Variants in PARD3 observed in about 807,000 individuals in gnomAD.
The protein encoded by PARD3 is partitioning defective 3 homolog.
PARD3 carries 75 observed loss-of-function variants against 155.4 expected under a neutral mutation model. The ratio of observed to expected loss-of-function variants is 0.48; its 90% CI spans 0.40 to 0.58. The LOEUF (loss-of-function observed/expected upper bound fraction) is 0.58. Ranked by LOEUF, PARD3 falls within the 20% of genes least tolerant of loss-of-function variation. The pLI is 0.00. For missense variants in PARD3, 1,642 were observed against 1,721.7 expected, an observed-to-expected ratio of 0.95 and a Z score of 0.82; for synonymous variants, 576 against 610.5, an observed-to-expected ratio of 0.94 and a Z score of 0.83.
intron 22 of PARD3, among the ~76,000 whole-genome samples, chr10:34,150,277 A>T (rs1402173164): frequency 6.6e-6 from 1 of 152,232 alleles, no homozygotes; most frequent in Non-Finnish European, 1.5e-5. Context: ...AGAGTGGGTC[A>T]TTAGAAACCC....
chr10:34,563,867 T>G (rs1322089499), intron 2 of PARD3, among the ~76,000 whole-genome samples: 1 of 152,124 alleles, frequency 6.6e-6, no homozygotes, highest in African/African-American at 2.4e-5. Context: ...TAGAAAAAAT[T>G]TTGCTAGTAT....
At chr10:34,417,353 A>G (rs913268970) in intron 5 of PARD3, among the ~76,000 whole-genome samples, 30 of 152,188 alleles carry the variant, frequency 2.0e-4, no homozygotes, top group African/African-American at 7.0e-4. Flanking sequence ...CACAGAAAAG[A>G]ACATGGATTA....
At chr10:34,643,279 G>A (rs1327016924) in intron 2 of PARD3, among the ~76,000 whole-genome samples, 1 of 152,220 alleles carries the variant, frequency 6.6e-6, no homozygotes, top group Admixed American at 6.5e-5. Flanking sequence ...TACAACTTCA[G>A]CTCCTAACTG....
intron 15 of PARD3, chr10:34,343,822 T>G (rs1837095308): frequency 1.0e-6 from 1 of 978,028 alleles, no homozygotes; most frequent in South Asian, 4.7e-5. Context: ...ACCTACAAAC[T>G]AAGTAAACTA....
chr10:34,370,497 C>T (rs909801211), intron 12 of PARD3, among the ~76,000 whole-genome samples: 2 of 152,118 alleles, frequency 1.3e-5, no homozygotes, highest in African/African-American at 4.8e-5. Flanking sequence ...CCAGACTGGT[C>T]TTAATCTCCT....
intron 22 of PARD3, among the ~76,000 whole-genome samples, chr10:34,215,165 T>C (rs538191832): frequency 6.6e-6 from 1 of 152,290 alleles, no homozygotes; most frequent in East Asian, 1.9e-4. Flanking sequence ...AGGTATAAAA[T>C]GGAAAAGAAT....
At chr10:34,158,385 G>A (rs993053410) in intron 22 of PARD3, among the ~76,000 whole-genome samples, 1 of 152,174 alleles carries the variant, frequency 6.6e-6, no homozygotes, top group Non-Finnish European at 1.5e-5. Context: ...CTCCACTCCT[G>A]TGGTTTTCTT....
chr10:34,462,983 G>A, intron 4 of PARD3, among the ~76,000 whole-genome samples: 1 of 92,752 alleles, frequency 1.1e-5, no homozygotes, highest in African/African-American at 4.3e-5. Context: ...CAGGGAAGGG[G>A]AAGGGGAGGA....
intron 24 of PARD3, among the ~76,000 whole-genome samples, chr10:34,117,447 G>C (rs1396343720): frequency 3.3e-5 from 5 of 152,144 alleles, no homozygotes; most frequent in Non-Finnish European, 7.3e-5. Context: ...CAGTGGGGAG[G>C]GGGCAGGGGG....
intron 4 of PARD3, among the ~76,000 whole-genome samples, chr10:34,465,915 T>C (rs1423952185): frequency 6.6e-6 from 1 of 152,152 alleles, no homozygotes; most frequent in African/African-American, 2.4e-5. Context: ...AGCTGGCCTC[T>C]TTATTCACAG....
At chr10:34,327,541 T>C (rs1835157083) in intron 19 of PARD3, among the ~76,000 whole-genome samples, 1 of 152,128 alleles carries the variant, frequency 6.6e-6, no homozygotes, top group South Asian at 2.1e-4. Flanking sequence ...CAATCAACCA[T>C]GCCTACGCCT....
chr10:34,437,145 G>A (rs571743178), intron 5 of PARD3, among the ~76,000 whole-genome samples: 2 of 152,208 alleles, frequency 1.3e-5, no homozygotes, highest in Admixed American at 6.5e-5. Context: ...CATGGGAACA[G>A]GGAAGATTAG....
intron 18 of PARD3, among the ~76,000 whole-genome samples, chr10:34,331,624 C>T (rs1484298231): frequency 3.9e-5 from 6 of 152,028 alleles, no homozygotes. Context: ...GTTGTCAAAT[C>T]GTTTTGCTCC....
At chr10:34,160,217 T>C (rs772153801) in intron 22 of PARD3, among the ~76,000 whole-genome samples, 1 of 152,236 alleles carries the variant, frequency 6.6e-6, no homozygotes, top group Non-Finnish European at 1.5e-5. Context: ...AATGCACTGT[T>C]AAGAAGGCAG....
intron 2 of PARD3, among the ~76,000 whole-genome samples, chr10:34,596,092 T>A (rs1410136970): frequency 6.6e-6 from 1 of 152,230 alleles, no homozygotes; most frequent in African/African-American, 2.4e-5. Context: ...TCAAACTTTG[T>A]TCAAATTATT....
At chr10:34,270,594 G>A (rs1179195496) in intron 21 of PARD3, among the ~76,000 whole-genome samples, 1 of 152,038 alleles carries the variant, frequency 6.6e-6, no homozygotes, top group Non-Finnish European at 1.5e-5. Flanking sequence ...CTTTATATAT[G>A]AAAATATTTA....
chr10:34,513,454 T>C (rs2081523381), intron 3 of PARD3, among the ~76,000 whole-genome samples: 1 of 152,178 alleles, frequency 6.6e-6, no homozygotes, highest in East Asian at 1.9e-4. Context: ...GTAATTTTTT[T>C]GTATTTTTGG....
At chr10:34,489,431 G>A (rs2079728369) in intron 3 of PARD3, among the ~76,000 whole-genome samples, 1 of 152,166 alleles carries the variant, frequency 6.6e-6, no homozygotes, top group Non-Finnish European at 1.5e-5. Context: ...TTCTACAGGG[G>A]GAGTATGACG....
rs1836172702 is a variant in PARD3 at position 34,336,260 on chromosome 10, G to A, written c.2561-17C>T. The A allele has an allele frequency of 1.9e-6, 3 of 1,603,724 alleles. No individual in the cohort carries two copies. Among genetic ancestry groups the A allele is most frequent in the Non-Finnish European group, 2.6e-6 (3 of 1,171,654 alleles). On this transcript the variant is annotated splice_polypyrimidine_tract_variant and intron_variant, in intron 17 of 24. Coordinates refer to ENST00000374788, the MANE Select transcript of PARD3 (RefSeq NM_001184785.2). ...CGTCAGCTACTGTTAAAAGGTAAATGTATAATAGTTAGCCCAGTTAGTTCC... is the reference window on the plus strand; with the variant it reads ...CGTCAGCTACTGTTAAAAGGTAAATATATAATAGTTAGCCCAGTTAGTTCC...
Sources: gnomAD v4.1 joint callset for allele counts (sites outside exome capture counted in the v4.1 genomes callset) on GRCh38, gnomAD v4.1.1 for gene constraint, MANE v1.5 for transcripts, NCBI Gene and HGNC (gene_info 2026-07-23, HGNC 2026-07-21) for gene names.